ERBB4: variants seen among roughly 807,000 people sequenced by gnomAD.
The protein encoded by ERBB4 is erb-b2 receptor tyrosine kinase 4, also known as receptor tyrosine-protein kinase erbB-4.
Under a neutral mutation model 158.0 loss-of-function variants are expected in ERBB4, and 42 were observed. That is an observed-to-expected ratio of 0.27 (90% CI 0.21 to 0.34). The LOEUF (loss-of-function observed/expected upper bound fraction) is 0.34. Among genes scored for constraint, ERBB4 ranks in the 10% least tolerant of loss-of-function variants. The pLI is 1.00. For missense variants in ERBB4, 1,333 were observed against 1,624.1 expected (o/e 0.82, Z 3.08); for synonymous variants, 583 against 558.7 (o/e 1.04, Z -0.61).
intron 3 of ERBB4, among the ~76,000 whole-genome samples, chr2:211,836,805 G>A (rs10932404): frequency 0.22 from 32,603 of 151,496 alleles, 3,650 homozygotes; most frequent in South Asian, 0.33. Context: ...ATAATATTTC[G>A]GTAATATTAT....
chr2:211,585,074 C>T (rs1025851917), intron 19 of ERBB4, among the ~76,000 whole-genome samples: 1 of 151,738 alleles, frequency 6.6e-6, no homozygotes, highest in African/African-American at 2.4e-5. Flanking sequence ...TTAGGCTGGC[C>T]GGGCGCAGTG....
intron 3 of ERBB4, among the ~76,000 whole-genome samples, chr2:211,873,012 AAG>A (rs2078390336): frequency 4.4e-5 from 1 of 22,756 alleles, no homozygotes; most frequent in African/African-American, 1.2e-4. Flanking sequence ...GTGCTAGAAA[AAG>A]TGAAATCTTA....
chr2:211,652,764 T>C (rs974258233), intron 16 of ERBB4, among the ~76,000 whole-genome samples: 2 of 152,138 alleles, frequency 1.3e-5, no homozygotes, highest in Non-Finnish European at 2.9e-5. Flanking sequence ...CCTAGAATAA[T>C]TGAATTGGAG....
chr2:211,943,470 T>G (rs1165752106), intron 3 of ERBB4, among the ~76,000 whole-genome samples: 2 of 152,056 alleles, frequency 1.3e-5, no homozygotes, highest in African/African-American at 4.8e-5. Flanking sequence ...TCTGATGCAG[T>G]AGGGACCTTC....
At chr2:211,695,012 C>T (rs2072962213) in intron 12 of ERBB4, among the ~76,000 whole-genome samples, 1 of 152,094 alleles carries the variant, frequency 6.6e-6, no homozygotes, top group Non-Finnish European at 1.5e-5. Context: ...GATATAAAGT[C>T]TGTTTATTTT....
chr2:212,140,008 T>G (rs2080398379), intron 1 of ERBB4, among the ~76,000 whole-genome samples: 1 of 151,886 alleles, frequency 6.6e-6, no homozygotes, highest in Non-Finnish European at 1.5e-5. Flanking sequence ...GTTACATTCT[T>G]TGTAAATGTT....
chr2:212,359,593 G>A (rs1290678685), intron 1 of ERBB4, among the ~76,000 whole-genome samples: 1 of 151,700 alleles, frequency 6.6e-6, no homozygotes, highest in Non-Finnish European at 1.5e-5. Context: ...AAGAGTTCTA[G>A]CTGCTGTAAA....
intron 3 of ERBB4, among the ~76,000 whole-genome samples, chr2:211,920,650 G>A (rs2079834260): frequency 6.7e-6 from 1 of 149,588 alleles, no homozygotes; most frequent in Non-Finnish European, 1.5e-5. Context: ...TTATTCACTT[G>A]AAAAACAAAA....
intron 1 of ERBB4, among the ~76,000 whole-genome samples, chr2:212,399,536 TTA>T (rs1298944300): frequency 4.8e-5 from 1 of 20,794 alleles, no homozygotes; most frequent in African/African-American, 1.9e-4. Context: ...GATATATATT[TTA>T]TATATACATA....
intron 2 of ERBB4, among the ~76,000 whole-genome samples, chr2:211,989,317 T>C (rs1421986615): frequency 6.6e-6 from 1 of 151,960 alleles, no homozygotes; most frequent in African/African-American, 2.4e-5. Flanking sequence ...ATTTTCTCCT[T>C]CTTGACTTTT....
intron 3 of ERBB4, among the ~76,000 whole-genome samples, chr2:211,834,013 A>C (rs1462342211): frequency 1.3e-5 from 2 of 152,064 alleles, no homozygotes; most frequent in East Asian, 3.9e-4. Flanking sequence ...CGATCTTTAC[A>C]GTCCCTTCTA....
intron 1 of ERBB4, among the ~76,000 whole-genome samples, chr2:212,466,816 G>T (rs1361188153): frequency 6.6e-6 from 1 of 152,182 alleles, no homozygotes; most frequent in Non-Finnish European, 1.5e-5. Flanking sequence ...AGGTTAGAGG[G>T]CTGAAAAGAC....
intron 3 of ERBB4, among the ~76,000 whole-genome samples, chr2:211,887,322 G>A (rs773522825): frequency 6.6e-6 from 1 of 151,212 alleles, no homozygotes; most frequent in African/African-American, 2.4e-5. Context: ...GTAGTGATTA[G>A]TTAATGACTC....
chr2:211,458,139 C>T (rs2064431681), intron 20 of ERBB4, among the ~76,000 whole-genome samples: 2 of 152,186 alleles, frequency 1.3e-5, no homozygotes, highest in Admixed American at 1.3e-4. Context: ...TTACCTCCTG[C>T]TCTGGGGATT....
intron 1 of ERBB4, among the ~76,000 whole-genome samples, chr2:212,512,320 T>C (rs1691568622): frequency 1.3e-5 from 2 of 149,248 alleles, no homozygotes; most frequent in Non-Finnish European, 2.9e-5. Flanking sequence ...AATATACATA[T>C]TGAGTATATA....
intron 2 of ERBB4, among the ~76,000 whole-genome samples, chr2:211,978,392 G>GTCTTTCTATCTATCTATCTATCTA (rs1165469722): frequency 2.1e-3 from 217 of 102,314 alleles, no homozygotes; most frequent in African/African-American, 5.2e-3. Context: ...CTGTCTGTCT[G>GTCTTTCTATCTATCTATCTATCTA]TCTGTCTATC....
chr2:212,380,784 G>T (rs11894726), intron 1 of ERBB4, among the ~76,000 whole-genome samples: 251 of 150,850 alleles, frequency 1.7e-3, no homozygotes, highest in Middle Eastern at 6.9e-3. Flanking sequence ...ATCACATCTG[G>T]AATCCCATAG....
intron 1 of ERBB4, among the ~76,000 whole-genome samples, chr2:212,222,756 T>G (rs556127924): frequency 6.6e-6 from 1 of 151,714 alleles, no homozygotes; most frequent in African/African-American, 2.4e-5. Flanking sequence ...TAGTTGTTAC[T>G]AATATTTCCT....
intron 1 of ERBB4, among the ~76,000 whole-genome samples, chr2:212,444,760 A>T (rs2092317629): frequency 6.6e-6 from 1 of 152,098 alleles, no homozygotes; most frequent in Non-Finnish European, 1.5e-5. Context: ...CCACTGCTGA[A>T]TGCCCAATTT....
Sources: allele counts gnomAD v4.1 joint callset (sites outside exome capture counted in the v4.1 genomes callset), GRCh38; gene constraint gnomAD v4.1.1; transcripts MANE v1.5; gene names NCBI Gene and HGNC (gene_info 2026-07-23, HGNC 2026-07-21).